Variants in KLHL13 observed in about 807,000 individuals in gnomAD.
KLHL13 encodes the protein kelch like family member 13, also known as kelch-like protein 13.
Under a neutral mutation model 37.1 loss-of-function variants are expected in KLHL13, and 10 were observed. The ratio of observed to expected loss-of-function variants is 0.27; its 90% CI spans 0.17 to 0.46. The LOEUF is 0.46. Among genes scored for constraint, KLHL13 ranks in the 20% least tolerant of loss-of-function variants. The pLI is 1.00. For missense variants in KLHL13, 360 were observed against 509.3 expected (o/e 0.71, Z 2.82); for synonymous variants, 163 against 181.2 (o/e 0.90, Z 0.81).
In KLHL13 at chrX:117,938,906, C is replaced by T. The variant is rs148948871; in HGVS notation, c.240+6528G>A. Among the ~76,000 whole-genome samples the T allele has an allele frequency of 2.6e-3, 282 of 110,124 alleles. 1 individual carries two copies. The highest frequency in any genetic ancestry group is 8.8e-3 in the African/African-American group (266 of 30,269). ...CATATGTATAACAAACAAAAATAGC[C>T]GAAGACTCGTTTTCATATATTAGAG... On this transcript the variant is annotated intron_variant, in intron 2 of 6. Coordinates refer to ENST00000262820, the Ensembl canonical transcript of KLHL13.
At chrX:117,955,748 C>A (rs1309841369) in intron 1 of KLHL13, among the ~76,000 whole-genome samples, 2 of 111,563 alleles carry the variant, frequency 1.8e-5, no homozygotes, top group African/African-American at 3.3e-5. Flanking sequence ...CCCTTTTCTG[C>A]ATATCTGCCT....
chrX:117,924,774 T>TTAAATGTC (rs1556298635), intron 2 of KLHL13, among the ~76,000 whole-genome samples: 3 of 111,419 alleles, frequency 2.7e-5, no homozygotes, highest in Middle Eastern at 4.7e-3. Flanking sequence ...TTCTTTAATA[T>TTAAATGTC]TTCCCTTTCT....
At chrX:118,111,050 G>A (rs1369417217) in intron 1 of KLHL13, among the ~76,000 whole-genome samples, 2 of 111,912 alleles carry the variant, frequency 1.8e-5, no homozygotes, top group Non-Finnish European at 3.8e-5. Flanking sequence ...GCAAGCTATT[G>A]GGAAAGATAA....
intron 1 of KLHL13, among the ~76,000 whole-genome samples, chrX:118,072,066 C>A (rs1198766389): frequency 9.1e-6 from 1 of 109,750 alleles, no homozygotes; most frequent in Admixed American, 9.7e-5. Flanking sequence ...ATCACACTAC[C>A]TGACTTCAAA....
At chrX:118,020,480 A>C (rs1398640236) in intron 1 of KLHL13, among the ~76,000 whole-genome samples, 1 of 111,280 alleles carries the variant, frequency 9.0e-6, no homozygotes, top group African/African-American at 3.3e-5. Flanking sequence ...ATCATTAAAA[A>C]GTCAGGAAAC....
At chrX:117,997,208 C>A (rs1359205871) in intron 1 of KLHL13, among the ~76,000 whole-genome samples, 1 of 108,858 alleles carries the variant, frequency 9.2e-6, no homozygotes, top group Non-Finnish European at 1.9e-5. Context: ...AGTATGCCAT[C>A]TCCTAGAAGC....
Position 117,919,503 on chromosome X carries a change from G to C in KLHL13, c.570+18C>G, listed in dbSNP as rs770096979. 9 of 1,172,952 alleles carry C rather than the reference G, an allele frequency of 7.7e-6. No homozygotes were observed. The highest frequency in any genetic ancestry group is 1.0e-5 in the Non-Finnish European group (9 of 862,811). On this transcript the variant is annotated intron_variant, in intron 4 of 6. Coordinates refer to ENST00000262820, the Ensembl canonical transcript of KLHL13. ...TCAGAGTCTACCACAGGAAAAATCA[G>C]ATTTCAAAATATCTTACCCCAGATA...
chrX:118,066,773 A>T (rs774369923), intron 1 of KLHL13, among the ~76,000 whole-genome samples: 40 of 112,025 alleles, frequency 3.6e-4, no homozygotes, highest in African/African-American at 1.3e-3. Flanking sequence ...CAATAAAAAA[A>T]TTACAACTCT....
chrX:118,100,615 C>T (rs914988361), intron 1 of KLHL13, among the ~76,000 whole-genome samples: 2 of 111,253 alleles, frequency 1.8e-5, no homozygotes, highest in Admixed American at 9.6e-5. Flanking sequence ...CAGTCAGATA[C>T]AACATACAAA....
chrX:118,032,496 G>A (rs1376599567), intron 1 of KLHL13, among the ~76,000 whole-genome samples: 2 of 111,667 alleles, frequency 1.8e-5, no homozygotes, highest in Non-Finnish European at 3.8e-5. Context: ...CACCTCACAG[G>A]GCCAGGTACT....
At chrX:118,099,084 A>C (rs1036923648) in intron 1 of KLHL13, among the ~76,000 whole-genome samples, 2 of 109,168 alleles carry the variant, frequency 1.8e-5, no homozygotes, top group Non-Finnish European at 3.8e-5. Flanking sequence ...CGTTGTGCAC[A>C]TGTACTCTAA....
At chrX:117,965,749 C>T (rs1287670795) in intron 1 of KLHL13, among the ~76,000 whole-genome samples, 4 of 111,688 alleles carry the variant, frequency 3.6e-5, no homozygotes, top group Non-Finnish European at 7.5e-5. Flanking sequence ...GCTGGTTCAA[C>T]ATATGCAAAT....
chrX:118,097,709 T>C (rs924121565), intron 1 of KLHL13, among the ~76,000 whole-genome samples: 23 of 111,803 alleles, frequency 2.1e-4, no homozygotes, highest in African/African-American at 6.8e-4. Context: ...CAAAACAGCA[T>C]GGTACTGGTA....
At chrX:118,003,992 T>C (rs2053953845) in intron 1 of KLHL13, among the ~76,000 whole-genome samples, 1 of 110,757 alleles carries the variant, frequency 9.0e-6, no homozygotes, top group Non-Finnish European at 1.9e-5. Context: ...AAAATGAGGG[T>C]ATTCATGCAG....
At chrX:118,098,756 T>G (rs943982644) in intron 1 of KLHL13, among the ~76,000 whole-genome samples, 4 of 106,036 alleles carry the variant, frequency 3.8e-5, no homozygotes, top group Non-Finnish European at 5.8e-5. Context: ...TAAAAAATGA[T>G]GAGTTCACGT....
chrX:117,932,399 G>A (rs887824643), intron 2 of KLHL13, among the ~76,000 whole-genome samples: 3 of 110,681 alleles, frequency 2.7e-5, no homozygotes, highest in African/African-American at 9.9e-5. Context: ...TGAGATTAAC[G>A]TTTTTAGATT....
chrX:117,958,135 G>A (rs973126577), intron 1 of KLHL13, among the ~76,000 whole-genome samples: 3 of 110,994 alleles, frequency 2.7e-5, no homozygotes, highest in African/African-American at 9.8e-5. Context: ...ACAAGACCAT[G>A]ATACACAATA....
chrX:118,021,024 G>C (rs147297665), intron 1 of KLHL13, among the ~76,000 whole-genome samples: 4,346 of 96,834 alleles, frequency 0.045, 309 homozygotes, highest in African/African-American at 0.16. Flanking sequence ...ATAGCATTGG[G>C]AGATATACCT....
In KLHL13 at chrX:118,104,935, C is replaced by T. The variant is rs747202545; in HGVS notation, c.-56+11573G>A. Reference sequence around the variant, plus strand: ...TAATAAAGCCGTTAAATATTTTTTTCGACACAGGATTGTGAAGTCAAAATA... The same window carrying T: ...TAATAAAGCCGTTAAATATTTTTTTTGACACAGGATTGTGAAGTCAAAATA... On this transcript the variant is annotated intron_variant, in intron 1 of 6. Transcript: ENST00000371882. Among the ~76,000 whole-genome samples the T allele has an allele frequency of 8.0e-5, 9 of 112,045 alleles. No homozygotes were observed. In the South Asian group the frequency reaches 1.5e-3, roughly 18 times the overall value.
Sources: allele counts gnomAD v4.1 joint callset (sites outside exome capture counted in the v4.1 genomes callset), GRCh38; gene constraint gnomAD v4.1.1; transcripts MANE v1.5; gene names NCBI Gene and HGNC (gene_info 2026-07-23, HGNC 2026-07-21).